Variants in CRYBG1 observed in about 807,000 individuals in gnomAD.
The protein encoded by CRYBG1 is beta/gamma crystallin domain-containing protein 1.
In CRYBG1, 139 loss-of-function variants were observed where a neutral mutation model predicts 189.2. That is an observed-to-expected ratio of 0.73 (90% CI 0.64 to 0.85). The LOEUF is 0.85. Among genes scored for constraint, CRYBG1 ranks in the 40% least tolerant of loss-of-function variants. The pLI, the probability that CRYBG1 is intolerant of heterozygous loss-of-function variation, is 0.00. For synonymous variants in CRYBG1, 1,023 were observed against 1,017.1 expected, an observed-to-expected ratio of 1.01 and a Z score of -0.11; for missense variants, 2,611 against 2,675.8, an observed-to-expected ratio of 0.98 and a Z score of 0.53.
At chr6:106,395,032 T>C (rs752146170) in intron 1 of CRYBG1, among the ~76,000 whole-genome samples, 4 of 151,452 alleles carry the variant, frequency 2.6e-5, no homozygotes, top group Non-Finnish European at 5.9e-5. Flanking sequence ...TGTATATATA[T>C]ATATTTTATA....
At chr6:106,435,893 T>C (rs1320485472) in intron 1 of CRYBG1, among the ~76,000 whole-genome samples, 1 of 152,114 alleles carries the variant, frequency 6.6e-6, no homozygotes, top group African/African-American at 2.4e-5. Context: ...ACAAATCGTG[T>C]CTTGGAAACC....
chr6:106,510,389 CTTTT>C (rs1478433967), intron 2 of CRYBG1, among the ~76,000 whole-genome samples: 2 of 152,218 alleles, frequency 1.3e-5, no homozygotes, highest in African/African-American at 4.8e-5. Context: ...GGCGGGTTTG[CTTTT>C]ATTGGTTTGT....
At chr6:106,472,461 GTGTT>G (rs1190541024) in intron 2 of CRYBG1, among the ~76,000 whole-genome samples, 13 of 152,200 alleles carry the variant, frequency 8.5e-5, no homozygotes, top group Admixed American at 3.9e-4. Context: ...ATCTAAAGAT[GTGTT>G]TGTTTATTTT....
chr6:106,517,315 C>CAT (rs111258799), intron 3 of CRYBG1, among the ~76,000 whole-genome samples: 7 of 136,454 alleles, frequency 5.1e-5, no homozygotes, highest in African/African-American at 2.1e-4. Flanking sequence ...CACACACACA[C>CAT]ACATATATAT....
In CRYBG1 at chr6:106,558,769, C is replaced by T. The variant is rs111771622; in HGVS notation, c.5855+144C>T. ...TTTGAATCCAGGGATTCAAGAAAAG[C>T]CTGGGCAACAAAGTGAGACCCCATC... On this transcript the variant is annotated intron_variant, in intron 18 of 21. Transcript: ENST00000633556. 1.0e-3 allele frequency: 676 copies of T among 665,722 alleles called. 6 individuals are homozygous for T. The African/African-American group carries it at 0.011, about 11-fold the overall frequency. 41.2% of individuals were successfully genotyped at this position (665,722 alleles called of 1,614,324 possible). A position where few individuals can be genotyped will look rare whatever the true frequency, so the allele number is the denominator to read the frequency against.
chr6:106,552,149 T>C, intron 14 of CRYBG1, 35 bp from the exon 15 acceptor site: 2 of 1,557,848 alleles, frequency 1.3e-6, no homozygotes, highest in South Asian at 2.3e-5. Context: ...TTTGTTCTAT[T>C]CATTTCCTTT....
intron 1 of CRYBG1, among the ~76,000 whole-genome samples, chr6:106,396,342 A>T (rs1770606868): frequency 6.6e-6 from 1 of 152,236 alleles, no homozygotes; most frequent in Non-Finnish European, 1.5e-5. Flanking sequence ...CACTGAATGA[A>T]CTTATAAATT....
At chr6:106,472,485 T>A (rs1772251108) in intron 2 of CRYBG1, among the ~76,000 whole-genome samples, 1 of 152,072 alleles carries the variant, frequency 6.6e-6, no homozygotes. Flanking sequence ...TTCTATTTTT[T>A]AAAAAACAGT....
In CRYBG1 at chr6:106,511,456, C is replaced by A. The variant is rs1773254761; in HGVS notation, c.339C>A (p.Asn113Lys). The A allele has an allele frequency of 6.5e-7, 1 of 1,535,636 alleles. No individual in the cohort carries two copies. Among genetic ancestry groups the A allele is most frequent in the Non-Finnish European group, 8.7e-7 (1 of 1,146,670 alleles). The change falls in exon 3 of 22, where the codon AAC becomes AAA. Residue 113 changes from asparagine to lysine, a missense_variant. Physicochemically the swap from Asn to Lys is moderately conservative, Grantham distance 94. Around this residue, in one of 3 missense-constraint regions of CRYBG1, gnomAD observed 985 missense variants for 924.4 expected, o/e 1.07. Coordinates refer to ENST00000633556, the MANE Select transcript of CRYBG1 (RefSeq NM_001371242.2). The stretch of plus-strand genomic sequence containing the variant: ...CCAGAGCACAACCTCCAGAAGACAA[C>A]AGAAGGAAGCCAGTTTTGGGGAAAC... Reference protein sequence around the residue: ...KKSRAQPPEDNRRKPVLGKLG... With the variant: ...KKSRAQPPEDKRRKPVLGKLG...
At chr6:106,518,425 G>T (rs1331198941) in intron 3 of CRYBG1, among the ~76,000 whole-genome samples, 1 of 152,188 alleles carries the variant, frequency 6.6e-6, no homozygotes, top group African/African-American at 2.4e-5. Context: ...CATAATTGAT[G>T]TTGGAGCATG....
chr6:106,439,384 T>C (rs1771528326), intron 1 of CRYBG1, among the ~76,000 whole-genome samples: 2 of 152,214 alleles, frequency 1.3e-5, no homozygotes, highest in Admixed American at 1.3e-4. Flanking sequence ...CCTTTTTGAA[T>C]TATTGTTAAT....
intron 1 of CRYBG1, among the ~76,000 whole-genome samples, chr6:106,411,219 TG>T (rs776121167): frequency 3.9e-5 from 6 of 152,180 alleles, no homozygotes; most frequent in Non-Finnish European, 8.8e-5. Context: ...CACAAGCTGC[TG>T]GGTTTCTAGA....
At chr6:106,368,712 C>T (rs1045391880) in intron 1 of CRYBG1, among the ~76,000 whole-genome samples, 2 of 152,042 alleles carry the variant, frequency 1.3e-5, no homozygotes, top group African/African-American at 4.8e-5. Context: ...TGGATTGTTC[C>T]GTTCAGTGGA....
Position 106,360,955 on chromosome 6 carries a change from C to T in CRYBG1, c.47C>T (p.Pro16Leu), listed in dbSNP as rs1237939814. The change falls in exon 1 of 22, where the codon CCG (proline) becomes CTG (leucine). Residue 16 changes from proline (P) to leucine (L), a missense_variant. Coordinates refer to ENST00000633556, the MANE Select transcript of CRYBG1 (RefSeq NM_001371242.2). The stretch of plus-strand genomic sequence containing the variant: ...CAGGGCGACCCCGGGGAGCCCAGCC[C>T]GTGCAGGCCCCCTAAGAAGCACACC... ...PAQGDPGEPS[P>L]CRPPKKHTTF... 29 of 1,535,046 alleles carry T rather than the reference C, an allele frequency of 1.9e-5. No individual in the cohort carries two copies. The highest frequency in any genetic ancestry group is 2.5e-5 in the Non-Finnish European group (29 of 1,146,540).
intron 1 of CRYBG1, among the ~76,000 whole-genome samples, chr6:106,372,679 T>C (rs1233025123): frequency 6.6e-6 from 1 of 152,220 alleles, no homozygotes; most frequent in Non-Finnish European, 1.5e-5. Flanking sequence ...AAAGGATTCT[T>C]TTTGGCCAGA....
At chr6:106,531,736 A>C (rs193066269) in intron 8 of CRYBG1, among the ~76,000 whole-genome samples, 7 of 152,312 alleles carry the variant, frequency 4.6e-5, no homozygotes, top group African/African-American at 9.6e-5. Flanking sequence ...TAAACAAATA[A>C]AGTGAGCACC....
In CRYBG1 at chr6:106,553,520, A is replaced by T; in HGVS notation, c.5538A>T (p.Gln1846His). The change falls in exon 16 of 22, where the codon CAA (glutamine) becomes CAT (histidine). Residue 1846 changes from glutamine to histidine, a missense_variant. Gln to His is a conservative substitution (Grantham distance 24). This residue lies in a region of CRYBG1 where 1,622 missense variants were observed against 1,735.0 expected (regional missense o/e 0.93). Coordinates refer to ENST00000633556, the MANE Select transcript of CRYBG1 (RefSeq NM_001371242.2). The part of the protein sequence containing the change: ...HSQSFEETTS[Q>H]IDDSFSTKSC... Reference sequence around the variant, plus strand: ...AAAGTTTTGAAGAAACAACAAGTCAAATTGATGATTCATTTTCTACCAAGT... The same window carrying T: ...AAAGTTTTGAAGAAACAACAAGTCATATTGATGATTCATTTTCTACCAAGT... 6.2e-7 allele frequency: 1 copy of T among 1,614,090 alleles called. No homozygotes were observed.
Position 106,528,246 on chromosome 6 carries a change from G to A in CRYBG1, c.4578+776G>A, listed in dbSNP as rs183682241. 1.6e-4 allele frequency among the ~76,000 whole-genome samples: 24 copies of A among 152,254 alleles called. 1 individual carries two copies. The highest frequency in any genetic ancestry group is 1.4e-3 in the Admixed American group (21 of 15,296). ...TTAGGTGGTAATTGGTATGCTAAAT[G>A]ATTTATCTTTTATTTGTTTTAAGTA... On this transcript the variant is annotated intron_variant, in intron 7 of 21. Transcript: ENST00000633556.
chr6:106,467,433 T>C (rs1001545032), intron 2 of CRYBG1, among the ~76,000 whole-genome samples: 1 of 151,848 alleles, frequency 6.6e-6, no homozygotes, highest in Non-Finnish European at 1.5e-5. Flanking sequence ...GATCAGGCCA[T>C]TGCACTCCAG....
Sources: allele counts gnomAD v4.1 joint callset (sites outside exome capture counted in the v4.1 genomes callset), GRCh38; gene constraint gnomAD v4.1.1; regional missense constraint gnomAD v4.1.1; transcripts MANE v1.5; gene names NCBI Gene and HGNC (gene_info 2026-07-23, HGNC 2026-07-21).